The following COL21A1 variants were observed in gnomAD, a reference collection of about 807,000 sequenced individuals.
COL21A1 encodes the protein collagen alpha-1(XXI) chain.
COL21A1 carries 149 observed loss-of-function variants against 137.9 expected under a neutral mutation model. The observed-to-expected ratio is 1.08, with a 90% CI of 0.95 to 1.24. The LOEUF (loss-of-function observed/expected upper bound fraction) is 1.24. Ranked by LOEUF, COL21A1 falls within the 50% of genes most tolerant of loss-of-function variation. The pLI is 0.00. For synonymous variants in COL21A1, 456 were observed against 391.5 expected (o/e 1.16, Z -1.95); for missense variants, 1,167 against 1,158.4 (o/e 1.01, Z -0.11).
intron 1 of COL21A1, among the ~76,000 whole-genome samples, chr6:56,240,962 A>C (rs952635256): frequency 6.6e-6 from 1 of 152,202 alleles, no homozygotes; most frequent in Non-Finnish European, 1.5e-5. Flanking sequence ...TTAGGTTCCA[A>C]GTGCCTCTGC....
chr6:56,117,130 C>T (rs2152199801), intron 16 of COL21A1, among the ~76,000 whole-genome samples: 1 of 152,030 alleles, frequency 6.6e-6, no homozygotes, highest in Non-Finnish European at 1.5e-5. Flanking sequence ...ACAAACTGAA[C>T]TCTCCAATCA....
At chr6:56,382,237 G>A (rs1483818782) in intron 1 of COL21A1, among the ~76,000 whole-genome samples, 2 of 152,146 alleles carry the variant, frequency 1.3e-5, no homozygotes, top group Admixed American at 1.3e-4. Context: ...GAATGCTCAA[G>A]GCCTCCCTTC....
chr6:56,095,876 TCACTCTGTCACCCAGGCTGGAGTG>T (rs1769272459), intron 17 of COL21A1, among the ~76,000 whole-genome samples: 1 of 152,172 alleles, frequency 6.6e-6, no homozygotes, highest in Non-Finnish European at 1.5e-5. Flanking sequence ...AGACAGAGTC[TCACTCTGTCACCCAGGCTGGAGTG>T]CAGTGGCATG....
chr6:56,145,897 T>C (rs543484195), intron 10 of COL21A1, among the ~76,000 whole-genome samples: 14 of 152,004 alleles, frequency 9.2e-5, no homozygotes, highest in Admixed American at 2.6e-4. Context: ...CACTGCCAAA[T>C]TGTAGGGTTG....
In COL21A1 at chr6:56,268,510, A is replaced by T. The variant is rs1028228322; in HGVS notation, c.-38-85854T>A. 2.6e-5 allele frequency among the ~76,000 whole-genome samples: 4 copies of T among 152,202 alleles called. No individual in the cohort carries two copies. The East Asian group carries it at 7.7e-4, about 29-fold the overall frequency. ...TGACCACCTAATGAATCACAACTCAAACCACCACACCAAAAATATTCTGTC... is the reference window on the plus strand; with the variant it reads ...TGACCACCTAATGAATCACAACTCATACCACCACACCAAAAATATTCTGTC... On this transcript the variant is annotated intron_variant, in intron 1 of 28. Coordinates refer to the COL21A1 transcript ENST00000370819.
intron 1 of COL21A1, among the ~76,000 whole-genome samples, chr6:56,269,097 G>A (rs1285092039): frequency 6.6e-6 from 1 of 152,138 alleles, no homozygotes. Flanking sequence ...CAAAACATCT[G>A]AGAAATATGA....
intron 24 of COL21A1, 49 bp from the exon 25 acceptor site, chr6:56,061,730 T>C: frequency 4.8e-6 from 6 of 1,261,608 alleles, no homozygotes; most frequent in Non-Finnish European, 6.7e-6. Flanking sequence ...GCTACAGTAC[T>C]GTAATGTGGC....
At chr6:56,271,471 T>G (rs2152332467) in intron 1 of COL21A1, among the ~76,000 whole-genome samples, 1 of 152,316 alleles carries the variant, frequency 6.6e-6, no homozygotes, top group Middle Eastern at 3.4e-3. Flanking sequence ...AAATTGGAAC[T>G]TATGTTTAAA....
chr6:56,361,961 G>A (rs188422073), intron 1 of COL21A1, among the ~76,000 whole-genome samples: 2 of 152,278 alleles, frequency 1.3e-5, no homozygotes, highest in Admixed American at 6.5e-5. Context: ...CTCTCTGGCT[G>A]TTTGGCCTTC....
At chr6:56,231,204 A>G (rs1318693207) in intron 1 of COL21A1, 10 of 152,058 alleles carry the variant, frequency 6.6e-5, no homozygotes, top group African/African-American at 2.4e-5. Flanking sequence ...AAACATGACT[A>G]TGTTTAAAAG....
chr6:56,377,576 C>T (rs773000558), intron 1 of COL21A1, among the ~76,000 whole-genome samples: 2 of 152,242 alleles, frequency 1.3e-5, no homozygotes, highest in South Asian at 2.1e-4. Context: ...GTGGTGGGAA[C>T]TTGAGTTCTT....
chr6:56,187,196 G>A (rs1384446843), intron 1 of COL21A1, among the ~76,000 whole-genome samples: 1 of 152,184 alleles, frequency 6.6e-6, no homozygotes, highest in Non-Finnish European at 1.5e-5. Flanking sequence ...ACCACATGGT[G>A]AGGGGGCTCA....
rs1193857965 is a variant in COL21A1 at position 56,098,618 on chromosome 6, T to A, written c.1812+2854A>T. 1.1e-3 allele frequency among the ~76,000 whole-genome samples: 16 copies of A among 14,286 alleles called. 1 individual carries two copies. Among genetic ancestry groups the A allele is most frequent in the South Asian group, 4.0e-3 (2 of 498 alleles). The allele number at this position is 14,286 out of a possible 152,430, so 9.4% of individuals were successfully genotyped here. A position where few individuals can be genotyped will look rare whatever the true frequency, so the allele number is the denominator to read the frequency against. ...AAATATATATATAAATATATATAAA[T>A]ATATATAAATATATATATAAATATA... On this transcript the variant is annotated intron_variant, in intron 17 of 29. Coordinates refer to ENST00000244728, the MANE Select transcript of COL21A1 (RefSeq NM_030820.4).
intron 1 of COL21A1, among the ~76,000 whole-genome samples, chr6:56,362,851 G>A (rs72875526): frequency 0.031 from 4,668 of 152,232 alleles, 114 homozygotes; most frequent in Non-Finnish European, 0.048. Context: ...TCCCGGGCCG[G>A]TGCGTATTTG....
intron 1 of COL21A1, among the ~76,000 whole-genome samples, chr6:56,230,898 T>C (rs1781517657): frequency 6.6e-6 from 1 of 151,976 alleles, no homozygotes; most frequent in East Asian, 1.9e-4. Context: ...AGGTTTATAA[T>C]TGCTTACTTA....
chr6:56,066,256 A>T (rs867172276), intron 23 of COL21A1, among the ~76,000 whole-genome samples: 1 of 152,016 alleles, frequency 6.6e-6, no homozygotes, highest in Non-Finnish European at 1.5e-5. Flanking sequence ...TCTAAAAAAC[A>T]ACTGAATTTT....
chr6:56,252,645 A>G (rs1162642918), intron 1 of COL21A1, among the ~76,000 whole-genome samples: 5 of 152,200 alleles, frequency 3.3e-5, no homozygotes, highest in Non-Finnish European at 7.4e-5. Flanking sequence ...TACTAGATGT[A>G]TAAAGACAGT....
At chr6:56,280,360 C>T (rs147746418) in intron 1 of COL21A1, among the ~76,000 whole-genome samples, 11 of 152,252 alleles carry the variant, frequency 7.2e-5, no homozygotes, top group Non-Finnish European at 1.3e-4. Flanking sequence ...AGTTTTTCAA[C>T]GCTTCTCCAA....
At chr6:56,091,946 C>T (rs1460309607) in intron 17 of COL21A1, among the ~76,000 whole-genome samples, 1 of 151,512 alleles carries the variant, frequency 6.6e-6, no homozygotes, top group Non-Finnish European at 1.5e-5. Context: ...ACCTAGCTGC[C>T]CAAGATAAAA....
Sources: gnomAD v4.1 joint callset for allele counts (sites outside exome capture counted in the v4.1 genomes callset) on GRCh38, gnomAD v4.1.1 for gene constraint, MANE v1.5 for transcripts, NCBI Gene and HGNC (gene_info 2026-07-23, HGNC 2026-07-21) for gene names.